The following NTRK3 variants were observed in gnomAD, a reference collection of about 807,000 sequenced individuals.
NTRK3 encodes the protein NT-3 growth factor receptor.
A neutral mutation model predicts 91.7 loss-of-function variants in NTRK3; 24 were observed. That is an observed-to-expected ratio of 0.26 (90% confidence interval 0.19 to 0.37). The LOEUF is 0.37. Ranked by LOEUF, NTRK3 falls within the 10% of genes least tolerant of loss-of-function variation. The probability of loss-of-function intolerance (pLI) is 1.00; values close to 1 mark genes in which losing one functional copy is unlikely to be tolerated. For synonymous variants in NTRK3, 483 were observed against 404.0 expected, an observed-to-expected ratio of 1.20 and a Z score of -2.34; for missense variants, 880 against 1,068.9, an observed-to-expected ratio of 0.82 and a Z score of 2.46.
At chr15:88,188,592 A>G (rs1408997704) in intron 3 of NTRK3, among the ~76,000 whole-genome samples, 2 of 152,240 alleles carry the variant, frequency 1.3e-5, no homozygotes, top group East Asian at 1.9e-4. Context: ...AACAACATCA[A>G]TTTTGAAAAT....
intron 13 of NTRK3, among the ~76,000 whole-genome samples, chr15:88,067,262 ATCTGTGAAGTCTATATATT>A (rs1417918454): frequency 6.6e-6 from 1 of 151,964 alleles, no homozygotes; most frequent in Non-Finnish European, 1.5e-5. Flanking sequence ...TTATTCTACT[ATCTGTGAAGTCTATATATT>A]TATCCACAGA....
At chr15:87,863,733 C>T (rs1420675309) in exon 19 of NTRK3, 2 of 228,258 alleles carry the variant, frequency 8.8e-6, no homozygotes, top group Non-Finnish European at 1.7e-5. Context: ...CTACTGATTT[C>T]TTTTTCTGAT....
intron 5 of NTRK3, 134 bp downstream of exon 5, chr15:88,183,284 G>T: frequency 4.9e-6 from 4 of 822,516 alleles, no homozygotes; most frequent in Non-Finnish European, 8.4e-6. Flanking sequence ...AAAATTGGAA[G>T]CCCAATAAAG....
chr15:87,870,423 G>A (rs748414887), exon 19 of NTRK3: 7 of 203,962 alleles, frequency 3.4e-5, no homozygotes, highest in Admixed American at 1.8e-4. Flanking sequence ...TGGACTCTGC[G>A]GACTCAGGGG....
At chr15:87,983,294 T>C (rs1250181098) in intron 14 of NTRK3, among the ~76,000 whole-genome samples, 1 of 152,134 alleles carries the variant, frequency 6.6e-6, no homozygotes, top group Non-Finnish European at 1.5e-5. Flanking sequence ...CAGAAGGCAA[T>C]GCAGTGGGAA....
At chr15:88,129,633 G>A (rs534842701) in intron 10 of NTRK3, among the ~76,000 whole-genome samples, 1 of 152,308 alleles carries the variant, frequency 6.6e-6, no homozygotes, top group South Asian at 2.1e-4. Context: ...CCGGACCAGG[G>A]AAAGTACAAC....
intron 17 of NTRK3, among the ~76,000 whole-genome samples, chr15:87,902,937 C>T (rs2066541219): frequency 6.6e-6 from 1 of 152,146 alleles, no homozygotes; most frequent in African/African-American, 2.4e-5. Context: ...TACATGTCTG[C>T]ACCCAAATGC....
At chr15:88,169,077 C>T (rs762098857) in intron 5 of NTRK3, among the ~76,000 whole-genome samples, 2 of 152,148 alleles carry the variant, frequency 1.3e-5, no homozygotes, top group Non-Finnish European at 2.9e-5. Flanking sequence ...TCGAGGGAAG[C>T]GCAATGTGGC....
intron 14 of NTRK3, among the ~76,000 whole-genome samples, chr15:88,015,450 C>T (rs1269118604): frequency 6.6e-6 from 1 of 152,110 alleles, no homozygotes; most frequent in Non-Finnish European, 1.5e-5. Context: ...CTGGAAGGCC[C>T]TTCCTGTCCA....
At chr15:88,068,690 G>A (rs750730868) in intron 13 of NTRK3, among the ~76,000 whole-genome samples, 3 of 152,178 alleles carry the variant, frequency 2.0e-5, no homozygotes, top group Non-Finnish European at 4.4e-5. Flanking sequence ...GATCTGCACT[G>A]AACCCACTTA....
chr15:88,036,826 C>T (rs150010596), intron 13 of NTRK3, among the ~76,000 whole-genome samples: 1 of 152,146 alleles, frequency 6.6e-6, no homozygotes, highest in African/African-American at 2.4e-5. Flanking sequence ...CTGTTCTCAG[C>T]ATTATAGGAT....
chr15:87,992,389 G>A lies in NTRK3; in HGVS notation c.1585+40468C>T, dbSNP rs576771953. Among the ~76,000 whole-genome samples the A allele has an allele frequency of 9.2e-5, 14 of 152,150 alleles. No individual in the cohort carries two copies. The South Asian group carries it at 1.0e-3, about 11-fold the overall frequency. ...AATTTATTTTTCTCATCCAATTGCC[G>A]TTCAATCCTTTCACCCCCAGCTCAG... is the stretch of plus-strand genomic sequence containing the variant. On this transcript the variant is annotated intron_variant, in intron 14 of 18. Transcript: ENST00000394480.
At chr15:87,972,613 CA>C (rs2141282953) in intron 14 of NTRK3, among the ~76,000 whole-genome samples, 1 of 152,302 alleles carries the variant, frequency 6.6e-6, no homozygotes, top group African/African-American at 2.4e-5. Context: ...ATAGGTAAAT[CA>C]AAGCCTTAAA....
intron 14 of NTRK3, among the ~76,000 whole-genome samples, chr15:87,941,150 G>A (rs2069803300): frequency 6.6e-6 from 1 of 152,102 alleles, no homozygotes; most frequent in African/African-American, 2.4e-5. Context: ...CAGTGGGTCT[G>A]AGAATCTACA....
intron 14 of NTRK3, among the ~76,000 whole-genome samples, chr15:87,994,601 A>C (rs1047905857): frequency 1.3e-5 from 2 of 152,220 alleles, no homozygotes; most frequent in African/African-American, 2.4e-5. Context: ...TCCAGAACCG[A>C]GAAAATAAAT....
chr15:87,976,492 T>C (rs571578206), intron 14 of NTRK3, among the ~76,000 whole-genome samples: 1 of 152,264 alleles, frequency 6.6e-6, no homozygotes, highest in South Asian at 2.1e-4. Flanking sequence ...AGCATTCAGA[T>C]CCACCCAGGA....
chr15:88,062,743 T>C (rs1039002693), intron 13 of NTRK3, among the ~76,000 whole-genome samples: 2 of 152,268 alleles, frequency 1.3e-5, no homozygotes, highest in African/African-American at 4.8e-5. Context: ...CACAGCCAAA[T>C]GAATTCTATC....
intron 14 of NTRK3, among the ~76,000 whole-genome samples, chr15:87,998,963 G>C (rs1372426614): frequency 6.6e-6 from 1 of 152,112 alleles, no homozygotes; most frequent in African/African-American, 2.4e-5. Context: ...GTGATGTACT[G>C]CAATGGAGGA....
chr15:87,984,371 C>A (rs2074554659), intron 14 of NTRK3, among the ~76,000 whole-genome samples: 1 of 152,222 alleles, frequency 6.6e-6, no homozygotes. Context: ...AGGTGATCAT[C>A]AAAGCATTCT....
Sources: gnomAD v4.1 joint callset for allele counts (sites outside exome capture counted in the v4.1 genomes callset) on GRCh38, gnomAD v4.1.1 for gene constraint, MANE v1.5 for transcripts, NCBI Gene and HGNC (gene_info 2026-07-23, HGNC 2026-07-21) for gene names.